Variants in PTPRD observed in about 807,000 individuals in gnomAD.
PTPRD encodes protein tyrosine phosphatase receptor type D.
A neutral mutation model predicts 214.5 loss-of-function variants in PTPRD; 34 were observed. The observed-to-expected ratio is 0.16, with a 90% CI of 0.12 to 0.21. PTPRD has a LOEUF of 0.21. Among genes scored for constraint, PTPRD ranks in the 10% least tolerant of loss-of-function variants. The probability of loss-of-function intolerance (pLI) is 1.00; values close to 1 mark genes in which losing one functional copy is unlikely to be tolerated. For synonymous variants in PTPRD, 1,128 were observed against 845.7 expected (o/e 1.33, Z -5.79); for missense variants, 2,545 against 2,398.7 (o/e 1.06, Z -1.27).
intron 14 of PTPRD, among the ~76,000 whole-genome samples, chr9:8,631,455 C>G (rs1037113009): frequency 6.6e-6 from 1 of 151,730 alleles, no homozygotes; most frequent in African/African-American, 2.4e-5. Context: ...ATTAGCCCAT[C>G]TGGGTATGAA....
chr9:10,148,504 T>C (rs1161233500), intron 3 of PTPRD, among the ~76,000 whole-genome samples: 1 of 152,168 alleles, frequency 6.6e-6, no homozygotes, highest in African/African-American at 2.4e-5. Context: ...GGCATCACAG[T>C]ATGCTATGTA....
At chr9:9,936,026 T>C (rs1172256511) in intron 5 of PTPRD, among the ~76,000 whole-genome samples, 2 of 150,114 alleles carry the variant, frequency 1.3e-5, no homozygotes, top group Non-Finnish European at 2.9e-5. Flanking sequence ...GCTAGCCATA[T>C]GTAGAAAGCT....
intron 8 of PTPRD, among the ~76,000 whole-genome samples, chr9:9,534,501 A>G (rs1309859907): frequency 6.6e-6 from 1 of 152,074 alleles, no homozygotes; most frequent in Non-Finnish European, 1.5e-5. Context: ...GTTTTATACA[A>G]TGGTTAATAC....
At chr9:10,022,504 C>CA (rs1220589785) in intron 4 of PTPRD, among the ~76,000 whole-genome samples, 1 of 151,894 alleles carries the variant, frequency 6.6e-6, no homozygotes, top group Non-Finnish European at 1.5e-5. Context: ...TAGGTTGATG[C>CA]AAAAGTAATC....
chr9:9,847,608 T>C (rs757367353), intron 5 of PTPRD, among the ~76,000 whole-genome samples: 1 of 152,098 alleles, frequency 6.6e-6, no homozygotes, highest in Non-Finnish European at 1.5e-5. Context: ...AAACAAACCT[T>C]ACTAGTTAGC....
chr9:9,909,033 A>G (rs924060265), intron 5 of PTPRD, among the ~76,000 whole-genome samples: 1 of 150,042 alleles, frequency 6.7e-6, no homozygotes, highest in Non-Finnish European at 1.5e-5. Flanking sequence ...TCACTGAGGT[A>G]AATAAAGGAT....
chr9:9,304,376 A>T (rs972941682), intron 9 of PTPRD, among the ~76,000 whole-genome samples: 6 of 152,128 alleles, frequency 3.9e-5, no homozygotes, highest in African/African-American at 1.4e-4. Flanking sequence ...GGAGGTGAAG[A>T]CATTCCCATT....
chr9:9,501,263 C>T (rs957910176), intron 8 of PTPRD, among the ~76,000 whole-genome samples: 2 of 151,766 alleles, frequency 1.3e-5, no homozygotes, highest in Non-Finnish European at 2.9e-5. Flanking sequence ...TAACAAGTTA[C>T]ACCTTAAATT....
At chr9:9,725,412 C>G (rs954234495) in intron 7 of PTPRD, among the ~76,000 whole-genome samples, 1 of 151,960 alleles carries the variant, frequency 6.6e-6, no homozygotes, top group Admixed American at 6.6e-5. Flanking sequence ...TACGTGGAAC[C>G]ATAAGTCCAT....
At chr9:9,800,254 G>C in intron 5 of PTPRD, among the ~76,000 whole-genome samples, 1 of 152,142 alleles carries the variant, frequency 6.6e-6, no homozygotes. Flanking sequence ...AGGATGGCTT[G>C]AGTCAAGGAA....
intron 44 of PTPRD, among the ~76,000 whole-genome samples, chr9:8,324,956 C>T (rs1013162894): frequency 6.6e-6 from 1 of 151,844 alleles, no homozygotes; most frequent in Non-Finnish European, 1.5e-5. Context: ...TTGTTGTTTT[C>T]CTGTAAATTT....
intron 33 of PTPRD, among the ~76,000 whole-genome samples, chr9:8,451,186 G>A (rs1351428953): frequency 6.6e-6 from 1 of 152,214 alleles, no homozygotes; most frequent in Non-Finnish European, 1.5e-5. Context: ...ATTTGCTCAA[G>A]TGCAGTGCCT....
intron 11 of PTPRD, among the ~76,000 whole-genome samples, chr9:8,911,519 C>G (rs868730851): frequency 6.6e-6 from 1 of 151,652 alleles, no homozygotes; most frequent in Non-Finnish European, 1.5e-5. Context: ...AAAATTAACT[C>G]AAAATAAATC....
chr9:10,255,891 C>G lies in PTPRD; in HGVS notation c.-545+85072G>C, dbSNP rs571756649. 4.8e-4 allele frequency among the ~76,000 whole-genome samples: 73 copies of G among 152,112 alleles called. 1 individual carries two copies. The highest frequency in any genetic ancestry group is 1.7e-3 in the African/African-American group (69 of 41,486). ...TAGCCTAGACCAGGGATTCATAACCCCCAGGCCCGGACTGGTACTGCTCTA... is the reference window on the plus strand; with the variant it reads ...TAGCCTAGACCAGGGATTCATAACCGCCAGGCCCGGACTGGTACTGCTCTA... On this transcript the variant is annotated intron_variant, in intron 3 of 45. Transcript: ENST00000381196.
rs769426846 is a variant in PTPRD, at chr9:9,796,539, G to T, written c.-367-29688C>A. 5.7e-4 allele frequency among the ~76,000 whole-genome samples: 86 copies of T among 151,222 alleles called. 1 individual carries two copies. Among genetic ancestry groups the T allele is most frequent in the Non-Finnish European group, 1.0e-3 (70 of 67,988 alleles). On this transcript the variant is annotated intron_variant, in intron 5 of 45. Transcript: ENST00000381196. ...TAAGAAAGTAGATGAGAATTCTCAG[G>T]GAGGGACTTTTCAGTTGGAAGAAAT...
intron 9 of PTPRD, among the ~76,000 whole-genome samples, chr9:9,239,438 A>C (rs751037823): frequency 6.6e-6 from 1 of 152,176 alleles, no homozygotes; most frequent in Non-Finnish European, 1.5e-5. Flanking sequence ...TAAGGTCATA[A>C]AATGATAAAT....
chr9:9,370,901 T>C (rs1161790079), intron 9 of PTPRD, among the ~76,000 whole-genome samples: 7 of 152,190 alleles, frequency 4.6e-5, no homozygotes, highest in Non-Finnish European at 1.0e-4. Flanking sequence ...TCTGTTTATA[T>C]GCTGGATTAC....
intron 4 of PTPRD, among the ~76,000 whole-genome samples, chr9:9,958,171 A>T (rs2094092359): frequency 6.6e-6 from 1 of 152,224 alleles, no homozygotes; most frequent in African/African-American, 2.4e-5. Context: ...TTTGGCAAGA[A>T]GTTTTCAGAT....
chr9:8,907,528 A>AT, intron 11 of PTPRD, among the ~76,000 whole-genome samples: 1 of 136,130 alleles, frequency 7.3e-6, no homozygotes, highest in East Asian at 2.2e-4. Context: ...AAAAAAAAAA[A>AT]AAAAAATATA....
Sources: gnomAD v4.1 joint callset for allele counts (sites outside exome capture counted in the v4.1 genomes callset) on GRCh38, gnomAD v4.1.1 for gene constraint, MANE v1.5 for transcripts, NCBI Gene and HGNC (gene_info 2026-07-23, HGNC 2026-07-21) for gene names.